The following HECW2 variants were observed in gnomAD, a reference collection of about 807,000 sequenced individuals.
The protein encoded by HECW2 is E3 ubiquitin-protein ligase HECW2.
Under a neutral mutation model 175.2 loss-of-function variants are expected in HECW2, and 61 were observed. The observed-to-expected ratio is 0.35, with a 90% CI of 0.28 to 0.43. HECW2 has a LOEUF of 0.43. Among genes scored for constraint, HECW2 ranks in the 20% least tolerant of loss-of-function variants. The probability of loss-of-function intolerance (pLI) is 1.00; values close to 1 mark genes in which losing one functional copy is unlikely to be tolerated. For missense variants in HECW2, 1,524 were observed against 2,000.5 expected (o/e 0.76, Z 4.54); for synonymous variants, 671 against 731.0 (o/e 0.92, Z 1.32).
At chr2:196,209,887 C>A (rs1048585550) in intron 28 of HECW2, among the ~76,000 whole-genome samples, 7 of 152,084 alleles carry the variant, frequency 4.6e-5, no homozygotes, top group Admixed American at 3.3e-4. Flanking sequence ...CCTCTGCCTC[C>A]CGAGTAGATG....
At chr2:196,334,930 C>T (rs547242785) in intron 3 of HECW2, among the ~76,000 whole-genome samples, 34 of 152,264 alleles carry the variant, frequency 2.2e-4, no homozygotes, top group African/African-American at 7.7e-4. Flanking sequence ...TGCTGCAGGT[C>T]AGACAGATAA....
intron 1 of HECW2, among the ~76,000 whole-genome samples, chr2:196,507,586 G>A (rs1055357485): frequency 1.3e-5 from 2 of 152,188 alleles, no homozygotes; most frequent in African/African-American, 4.8e-5. Context: ...CAATAGTGAT[G>A]AAGTTGAGAA....
chr2:196,292,573 G>C lies in HECW2; in HGVS notation c.2992C>G (p.Gln998Glu). Residue 998 changes from glutamine to glutamate, a missense_variant, in exon 14 of 29, where the codon CAG becomes GAG. Gln to Glu is a conservative substitution (Grantham distance 29, BLOSUM62 2). Coordinates refer to ENST00000644978, the MANE Select transcript of HECW2 (RefSeq NM_001348768.2). ...CATCTCCCTCGTGTTACCTTGCCCTGGTGATCATGTTTCATTTCCCATCCC... is the reference window on the plus strand; with the variant it reads ...CATCTCCCTCGTGTTACCTTGCCCTCGTGATCATGTTTCATTTCCCATCCC... ...PRGWEMKHDH[Q>E]GKAFFVDHNS... The C allele has an allele frequency of 6.2e-7, 1 of 1,612,936 alleles. No homozygotes were observed. Among genetic ancestry groups the C allele is most frequent in the Non-Finnish European group, 8.5e-7 (1 of 1,179,384 alleles).
intron 18 of HECW2, among the ~76,000 whole-genome samples, chr2:196,256,941 T>G (rs898278602): frequency 6.6e-6 from 1 of 152,234 alleles, no homozygotes; most frequent in Admixed American, 6.5e-5. Flanking sequence ...AACAATCACA[T>G]GGGAGGTCAG....
chr2:196,391,493 T>C (rs1422883621), intron 2 of HECW2, among the ~76,000 whole-genome samples: 2 of 152,204 alleles, frequency 1.3e-5, no homozygotes, highest in Non-Finnish European at 2.9e-5. Flanking sequence ...TTATACTGTT[T>C]AACTCTCATG....
chr2:196,531,401 T>TAA (rs1238567604), intron 1 of HECW2, among the ~76,000 whole-genome samples: 4 of 152,218 alleles, frequency 2.6e-5, no homozygotes, highest in Non-Finnish European at 5.9e-5. Context: ...CTCAGGCCTG[T>TAA]AATCCCAACA....
intron 2 of HECW2, among the ~76,000 whole-genome samples, chr2:196,412,784 A>G (rs1695150243): frequency 6.6e-6 from 1 of 152,248 alleles, no homozygotes; most frequent in South Asian, 2.1e-4. Flanking sequence ...CCAAAAATAG[A>G]AAGTAAATTT....
At chr2:196,369,447 G>A (rs1187686425) in intron 2 of HECW2, among the ~76,000 whole-genome samples, 1 of 150,680 alleles carries the variant, frequency 6.6e-6, no homozygotes, top group Non-Finnish European at 1.5e-5. Context: ...CCACCACTGG[G>A]ACTGCACTGG....
intron 15 of HECW2, among the ~76,000 whole-genome samples, chr2:196,276,509 T>C (rs1224565157): frequency 2.0e-5 from 3 of 152,212 alleles, no homozygotes; most frequent in Non-Finnish European, 4.4e-5. Flanking sequence ...GCCAGCTTCA[T>C]ACTGTGAAGT....
At chr2:196,250,127 G>T (rs1688802094) in intron 19 of HECW2, among the ~76,000 whole-genome samples, 1 of 152,136 alleles carries the variant, frequency 6.6e-6, no homozygotes, top group Non-Finnish European at 1.5e-5. Flanking sequence ...GGGAGGAGAG[G>T]CCACACAAAA....
chr2:196,266,653 T>C (rs2105949142), intron 17 of HECW2, among the ~76,000 whole-genome samples: 1 of 152,344 alleles, frequency 6.6e-6, no homozygotes, highest in Middle Eastern at 3.4e-3. Flanking sequence ...TAATATTATA[T>C]GCAGAAAAAT....
At chr2:196,285,502 G>A (rs895331556) in intron 14 of HECW2, among the ~76,000 whole-genome samples, 1 of 151,414 alleles carries the variant, frequency 6.6e-6, no homozygotes, top group African/African-American at 2.4e-5. Context: ...TGGTGTCTTA[G>A]CCTACAAAGT....
At chr2:196,409,375 A>T (rs1011383690) in intron 2 of HECW2, among the ~76,000 whole-genome samples, 1 of 152,174 alleles carries the variant, frequency 6.6e-6, no homozygotes. Context: ...TCTCTTTAGG[A>T]TCTAAAACTT....
At chr2:196,398,816 T>A (rs570241137) in intron 2 of HECW2, among the ~76,000 whole-genome samples, 1 of 152,176 alleles carries the variant, frequency 6.6e-6, no homozygotes, top group Non-Finnish European at 1.5e-5. Context: ...ATAAAATTTT[T>A]AAAAATACTG....
chr2:196,288,640 T>A (rs1391668184), intron 14 of HECW2: 2 of 152,244 alleles, frequency 1.3e-5, no homozygotes, highest in African/African-American at 4.8e-5. Flanking sequence ...TTAACAAATC[T>A]GTATTATTTT....
At chr2:196,385,806 GT>G (rs146540398) in intron 2 of HECW2, among the ~76,000 whole-genome samples, 1,994 of 151,956 alleles carry the variant, frequency 0.013, 46 homozygotes, top group African/African-American at 0.044. Flanking sequence ...CATGGGTTTT[GT>G]TTTTTTTCCT....
chr2:196,408,191 A>G (rs1268747155), intron 2 of HECW2, among the ~76,000 whole-genome samples: 1 of 152,242 alleles, frequency 6.6e-6, no homozygotes, highest in Non-Finnish European at 1.5e-5. Context: ...TTCAATCTGA[A>G]GTCACAGGCT....
Position 196,528,426 on chromosome 2 carries a change from C to T in HECW2, c.-36+65082G>A, listed in dbSNP as rs572080918. 4.7e-4 allele frequency among the ~76,000 whole-genome samples: 71 copies of T among 152,230 alleles called. No individual in the cohort carries two copies. The South Asian group carries it at 8.9e-3, about 19-fold the overall frequency. ...TCTGTTCTCCACATAAGAGGCAGAA[C>T]ATACTTGGCCTCACCTATTTAAAAC... On this transcript the variant is annotated intron_variant, in intron 1 of 28. Coordinates refer to ENST00000644978, the MANE Select transcript of HECW2 (RefSeq NM_001348768.2).
chr2:196,383,907 G>A (rs1169435004), intron 2 of HECW2, among the ~76,000 whole-genome samples: 2 of 152,172 alleles, frequency 1.3e-5, no homozygotes, highest in Admixed American at 6.5e-5. Flanking sequence ...TATATTCCCT[G>A]AGTTAAAATC....
Sources: gnomAD v4.1 joint callset for allele counts (sites outside exome capture counted in the v4.1 genomes callset) on GRCh38, gnomAD v4.1.1 for gene constraint, MANE v1.5 for transcripts, NCBI Gene and HGNC (gene_info 2026-07-23, HGNC 2026-07-21) for gene names.